Variants in UNC79 observed in about 807,000 individuals in gnomAD.
The protein encoded by UNC79 is protein unc-79 homolog.
UNC79 carries 37 observed loss-of-function variants against 283.1 expected under a neutral mutation model. That is an observed-to-expected ratio of 0.13 (90% CI 0.10 to 0.17). The LOEUF is 0.17. Ranked by LOEUF, UNC79 falls within the 10% of genes least tolerant of loss-of-function variation. UNC79 has a pLI of 1.00. For missense variants in UNC79, 2,272 were observed against 3,211.1 expected (o/e 0.71, Z 7.07); for synonymous variants, 1,107 against 1,200.2 (o/e 0.92, Z 1.61).
chr14:93,673,266 G>A, intron 40 of UNC79, 85 bp from the exon 44 acceptor site: 1 of 1,188,522 alleles, frequency 8.4e-7, no homozygotes, highest in African/African-American at 1.5e-5. Flanking sequence ...TCTGACCCGT[G>A]AATTTTTTGG....
chr14:93,509,308 G>A (rs1258520477), intron 7 of UNC79, among the ~76,000 whole-genome samples: 1 of 151,856 alleles, frequency 6.6e-6, no homozygotes, highest in African/African-American at 2.4e-5. Flanking sequence ...TCCACCCTTG[G>A]CCCCTCCAAA....
chr14:93,477,928 T>A (rs977793131), intron 4 of UNC79, among the ~76,000 whole-genome samples, 200 bp downstream of exon 4: 1 of 152,194 alleles, frequency 6.6e-6, no homozygotes, highest in African/African-American at 2.4e-5. Context: ...GGCTTAAAAT[T>A]GTTTTATTCA....
At chr14:93,661,335 A>G (rs1434849160) in intron 39 of UNC79, among the ~76,000 whole-genome samples, 1 of 152,252 alleles carries the variant, frequency 6.6e-6, no homozygotes, top group Non-Finnish European at 1.5e-5. Context: ...TCCACTACAT[A>G]TCAAAATATA....
At chr14:93,340,461 A>AAAAAAAAC (rs2053682502) in intron 1 of UNC79, among the ~76,000 whole-genome samples, 1 of 145,992 alleles carries the variant, frequency 6.8e-6, no homozygotes, top group South Asian at 2.2e-4. Flanking sequence ...AAAAAAAAAA[A>AAAAAAAAC]AAAGAAGGCC....
chr14:93,619,021 G>A (rs1240045137), intron 29 of UNC79, among the ~76,000 whole-genome samples: 1 of 152,038 alleles, frequency 6.6e-6, no homozygotes, highest in African/African-American at 2.4e-5. Context: ...ATTTTAAATT[G>A]ACATCATTTA....
At chr14:93,461,299 T>A (rs959037494) in intron 1 of UNC79, among the ~76,000 whole-genome samples, 1 of 152,358 alleles carries the variant, frequency 6.6e-6, no homozygotes, top group Middle Eastern at 3.4e-3. Context: ...AGGAAAATGC[T>A]TAAGACTTAA....
intron 19 of UNC79, among the ~76,000 whole-genome samples, chr14:93,581,484 C>CTTTAT (rs2063800920): frequency 9.9e-6 from 1 of 100,648 alleles, no homozygotes; most frequent in Non-Finnish European, 1.9e-5. Flanking sequence ...GTATTTGCAT[C>CTTTAT]TTTTTTTTTT....
intron 7 of UNC79, among the ~76,000 whole-genome samples, chr14:93,509,897 T>C (rs934039935): frequency 3.3e-5 from 5 of 152,094 alleles, no homozygotes; most frequent in Admixed American, 2.0e-4. Flanking sequence ...GGGCTTCAAC[T>C]CTGTATTGCC....
intron 1 of UNC79, among the ~76,000 whole-genome samples, chr14:93,440,449 A>G (rs556203094): frequency 6.7e-6 from 1 of 149,662 alleles, no homozygotes; most frequent in South Asian, 2.1e-4. Context: ...TTCAGTTTTT[A>G]TTATTAATTT....
intron 5 of UNC79, among the ~76,000 whole-genome samples, chr14:93,489,855 G>T (rs2058638947): frequency 6.6e-6 from 1 of 152,190 alleles, no homozygotes; most frequent in Admixed American, 6.5e-5. Flanking sequence ...CCCCCACAGT[G>T]GTTCCCTTCC....
chr14:93,608,681 G>A (rs1480287341), intron 26 of UNC79, among the ~76,000 whole-genome samples: 3 of 152,166 alleles, frequency 2.0e-5, no homozygotes, highest in Admixed American at 6.5e-5. Context: ...AGCTCATGGA[G>A]GGATCCTTTC....
At chr14:93,616,960 C>T (rs1566784843) in intron 27 of UNC79, among the ~76,000 whole-genome samples, 162 bp from the exon 29 acceptor site, 1 of 152,184 alleles carries the variant, frequency 6.6e-6, no homozygotes, top group African/African-American at 2.4e-5. Flanking sequence ...GACTTTTCCT[C>T]CTTCTTGCGT....
upstream of UNC79, among the ~76,000 whole-genome samples, chr14:93,426,914 A>G (rs984381864): frequency 6.6e-6 from 1 of 152,048 alleles, no homozygotes; most frequent in Admixed American, 6.5e-5. Context: ...TTTGTGTGTC[A>G]TGTAAATTTG....
chr14:93,670,126 T>C (rs917449266), intron 40 of UNC79, among the ~76,000 whole-genome samples: 2 of 152,242 alleles, frequency 1.3e-5, no homozygotes, highest in African/African-American at 4.8e-5. Flanking sequence ...AAACTCAAAC[T>C]CAAGCCATGT....
intron 1 of UNC79, among the ~76,000 whole-genome samples, chr14:93,416,182 ACTG>A (rs2055451921): frequency 7.2e-6 from 1 of 139,442 alleles, no homozygotes. Flanking sequence ...CTCTCTACAC[ACTG>A]CTTTGAATGT....
At chr14:93,616,887 CAAAT>C (rs960148846) in intron 27 of UNC79, among the ~76,000 whole-genome samples, 6 of 152,268 alleles carry the variant, frequency 3.9e-5, no homozygotes, top group African/African-American at 1.2e-4. Context: ...GGTACTGAAA[CAAAT>C]AATTAATTAG....
At chr14:93,536,447 T>C (rs1346144087) in intron 11 of UNC79, among the ~76,000 whole-genome samples, 1 of 152,194 alleles carries the variant, frequency 6.6e-6, no homozygotes, top group Non-Finnish European at 1.5e-5. Context: ...TAGCCTGTCA[T>C]TTACAGCTAA....
chr14:93,660,557 ATATATATGTGTGTG>A (rs2071463291), intron 39 of UNC79, among the ~76,000 whole-genome samples: 2 of 87,762 alleles, frequency 2.3e-5, no homozygotes, highest in African/African-American at 1.0e-4. Flanking sequence ...ATATATATAT[ATATATATGTGTGTG>A]TGTGTGTGTT....
At chr14:93,425,073 C>G in intron 1 of UNC79, among the ~76,000 whole-genome samples, 1 of 152,090 alleles carries the variant, frequency 6.6e-6, no homozygotes, top group East Asian at 1.9e-4. Flanking sequence ...CTATAAAGGA[C>G]TGCCTGAGAC....
Sources: allele counts gnomAD v4.1 joint callset (sites outside exome capture counted in the v4.1 genomes callset), GRCh38; gene constraint gnomAD v4.1.1; transcripts MANE v1.5; gene names NCBI Gene and HGNC (gene_info 2026-07-23, HGNC 2026-07-21).